ABCC6: variants seen among roughly 807,000 people sequenced by gnomAD.
The protein encoded by ABCC6 is ATP-binding cassette sub-family C member 6.
In ABCC6, 126 loss-of-function variants were observed where a neutral mutation model predicts 169.5. The ratio of observed to expected loss-of-function variants is 0.74; its 90% CI spans 0.64 to 0.86. The LOEUF (loss-of-function observed/expected upper bound fraction) is 0.86. ABCC6 is among the 40% of genes least tolerant of loss of function. The pLI is 0.00. For missense variants in ABCC6, 1,733 were observed against 1,927.2 expected (o/e 0.90, Z 1.89); for synonymous variants, 752 against 814.7 (o/e 0.92, Z 1.31).
In ABCC6 at chr16:16,208,696, A is replaced by G. The variant is rs774809626; in HGVS notation, c.794+32T>C. On this transcript the variant is annotated intron_variant, in intron 7 of 30. Transcript: ENST00000205557. ...CAATGATGAGCTTTTCTGAAGTAGCATCAGGTGAGTTCTTGACCTCCACCC... is the reference window on the plus strand; with the variant it reads ...CAATGATGAGCTTTTCTGAAGTAGCGTCAGGTGAGTTCTTGACCTCCACCC... The G allele has an allele frequency of 1.1e-5, 18 of 1,613,576 alleles. No homozygotes were observed. The Admixed American group carries it at 2.8e-4, about 25-fold the overall frequency.
In ABCC6 at chr16:16,182,476, G is replaced by A; in HGVS notation, c.2183C>T (p.Ala728Val). 6.2e-7 allele frequency: 1 copy of A among 1,614,144 alleles called. No homozygotes were observed. Among genetic ancestry groups the A allele is most frequent in the Non-Finnish European group, 8.5e-7 (1 of 1,180,034 alleles). ...GTCCACATCTGGCTGCAGGGCACAG[G>A]CTTCTAGTACTCTCTCCAGCCAGGG... The part of the protein sequence containing the change: ...DPPWLERVLE[A>V]CALQPDVDSF... Residue 728 changes from alanine to valine, a missense_variant, in exon 17 of 31, where the codon GCC becomes GTC. Physicochemically the swap from Ala to Val is moderately conservative, Grantham distance 64 (BLOSUM62 0). Around this residue, in one of 5 missense-constraint regions of ABCC6, gnomAD observed 1,601 missense variants for 1,635.5 expected, o/e 0.98. Coordinates refer to ENST00000205557, the MANE Select transcript of ABCC6 (RefSeq NM_001171.6).
intron 22 of ABCC6, among the ~76,000 whole-genome samples, chr16:16,167,433 A>G (rs2046912405): frequency 6.6e-6 from 1 of 152,226 alleles, no homozygotes; most frequent in Non-Finnish European, 1.5e-5. Context: ...CCCAAGAGCC[A>G]ATCAATTCTC....
chr16:16,154,194 C>G (rs1455263706), intron 29 of ABCC6, among the ~76,000 whole-genome samples: 3 of 152,016 alleles, frequency 2.0e-5, no homozygotes, highest in Non-Finnish European at 2.9e-5. Flanking sequence ...CAATCCTCCT[C>G]TCTCAGCCTC....
chr16:16,200,429 G>GAA (rs773448065), intron 9 of ABCC6, among the ~76,000 whole-genome samples: 7 of 46,922 alleles, frequency 1.5e-4, no homozygotes, highest in African/African-American at 2.9e-4. Flanking sequence ...AACTCTGTCA[G>GAA]AAAAAAAAAA....
At chr16:16,214,591 T>G in intron 4 of ABCC6, 142 bp from the exon 5 acceptor site, 2 of 1,454,758 alleles carry the variant, frequency 1.4e-6, no homozygotes, top group Non-Finnish European at 1.8e-6. Flanking sequence ...GCTTTCCTAG[T>G]GGTTCTAATT....
At chr16:16,216,620 G>A (rs1191225217) in intron 4 of ABCC6, among the ~76,000 whole-genome samples, 2 of 151,320 alleles carry the variant, frequency 1.3e-5, no homozygotes, top group African/African-American at 2.4e-5. Flanking sequence ...TGTTTATTGT[G>A]AACAGTGCTG....
intron 9 of ABCC6, among the ~76,000 whole-genome samples, chr16:16,198,410 G>A (rs547105757): frequency 3.3e-5 from 5 of 152,286 alleles, no homozygotes; most frequent in South Asian, 2.1e-4. Context: ...TAACATGCAC[G>A]AAAACACCAG....
At position 16,165,855 on chromosome 16, in the gene ABCC6, A is replaced by G. The variant is rs1555509499; in HGVS notation, c.3074T>C (p.Leu1025Pro). ...GATGGGAGATCGCACCACATCCCAC[A>G]GGAGCCTCTGGAAGAGCAACCTGGA... ...RASRLLFQRLLWDVVRSPISF... is the reference protein window; with the variant it reads ...RASRLLFQRLPWDVVRSPISF... Residue 1025 changes from leucine to proline, a missense_variant, in exon 23 of 31, where the codon CTG becomes CCG. Leu to Pro is a moderately conservative substitution (Grantham distance 98). Coordinates refer to ENST00000205557, the MANE Select transcript of ABCC6 (RefSeq NM_001171.6). The G allele has an allele frequency of 1.9e-6, 3 of 1,613,212 alleles. No homozygotes were observed. The highest frequency in any genetic ancestry group is 2.5e-6 in the Non-Finnish European group (3 of 1,180,036).
chr16:16,194,361 G>C (rs1039079583), intron 10 of ABCC6, among the ~76,000 whole-genome samples: 1 of 152,220 alleles, frequency 6.6e-6, no homozygotes, highest in African/African-American at 2.4e-5. Flanking sequence ...TCTAAGTCTC[G>C]TGAAATATTT....
chr16:16,153,544 G>A (rs2046449899), intron 29 of ABCC6, among the ~76,000 whole-genome samples: 1 of 152,116 alleles, frequency 6.6e-6, no homozygotes, highest in South Asian at 2.1e-4. Context: ...GGGACAAGGA[G>A]AGTTAGGGTT....
At chr16:16,188,225 CAAA>C (rs34901331) in intron 13 of ABCC6, among the ~76,000 whole-genome samples, 3 of 125,668 alleles carry the variant, frequency 2.4e-5, no homozygotes, top group African/African-American at 8.9e-5. Flanking sequence ...ACTAAAAATA[CAAA>C]AAAAAAAAAA....
chr16:16,154,972 C>T lies in ABCC6; in HGVS notation c.3942G>A (p.Arg1314=). Residue 1314 remains arginine, a synonymous_variant, in exon 28 of 31, where the codon CGG becomes CGA. Transcript: ENST00000205557. ...TCCCACCCTCAGCTGCCTCCTGGAG[C>T]CGCAGCAGCCCACTGGCCAGGGAGG... The part of the protein sequence containing the change: ...GKSSLASGLL[R]LQEAAEGGIW... 6.3e-7 allele frequency: 1 copy of T among 1,577,390 alleles called. No individual in the cohort carries two copies. The highest frequency in any genetic ancestry group is 8.6e-7 in the Non-Finnish European group (1 of 1,161,878).
At chr16:16,184,930 G>A (rs1596664075) in intron 15 of ABCC6, 29 bp downstream of exon 15, 4 of 1,598,928 alleles carry the variant, frequency 2.5e-6, no homozygotes, top group Admixed American at 1.7e-5. Context: ...AAAAACATGA[G>A]GCTGGTTACT....
chr16:16,174,767 C>CCCCCCCCT (rs1343755577), intron 20 of ABCC6, among the ~76,000 whole-genome samples: 2 of 133,218 alleles, frequency 1.5e-5, no homozygotes, highest in African/African-American at 5.2e-5. Context: ...AAAACCCCCC[C>CCCCCCCCT]CCGCAAAAAA....
At chr16:16,179,154 G>T (rs929086195) in intron 17 of ABCC6, among the ~76,000 whole-genome samples, 189 bp from the exon 18 acceptor site, 1 of 152,032 alleles carries the variant, frequency 6.6e-6, no homozygotes, top group African/African-American at 2.4e-5. Flanking sequence ...ATCCTTACCC[G>T]ACCTCACTTC....
chr16:16,162,131 C>T (rs916530999), intron 24 of ABCC6, among the ~76,000 whole-genome samples: 6 of 152,192 alleles, frequency 3.9e-5, no homozygotes, highest in Non-Finnish European at 5.9e-5. Context: ...TCCCCAGCCA[C>T]GTGGAACTGA....
In ABCC6 at chr16:16,208,601, T is replaced by G; in HGVS notation, c.794+127A>C. ...GTTGGCCAGATTGGTCTTGAACTCC[T>G]GACCTTGTGATCCGCCTGCCTCGGC... On this transcript the variant is annotated intron_variant, in intron 7 of 30. Transcript: ENST00000205557. 1.5e-5 allele frequency: 23 copies of G among 1,488,220 alleles called. 1 individual carries two copies. Among genetic ancestry groups the G allele is most frequent in the Non-Finnish European group, 2.1e-5 (22 of 1,069,942 alleles). The allele number at this position is 1,488,220 out of a possible 1,614,324, so 92.2% of individuals were successfully genotyped here. A position where few individuals can be genotyped will look rare whatever the true frequency, so the allele number is the denominator to read the frequency against.
chr16:16,185,299 T>G (rs1401322432), intron 14 of ABCC6, among the ~76,000 whole-genome samples: 1 of 152,242 alleles, frequency 6.6e-6, no homozygotes, highest in Non-Finnish European at 1.5e-5. Context: ...CCTTTTCTTA[T>G]AAATAAAGTT....
chr16:16,157,911 C>T (rs1216373938), intron 26 of ABCC6, 102 bp from the exon 27 acceptor site: 7 of 1,280,636 alleles, frequency 5.5e-6, no homozygotes, highest in Admixed American at 2.3e-5. Context: ...GCAAAATGGA[C>T]GTATTTATTG....
Sources: gnomAD v4.1 joint callset for allele counts (sites outside exome capture counted in the v4.1 genomes callset) on GRCh38, gnomAD v4.1.1 for gene constraint, gnomAD v4.1.1 regional missense constraint, MANE v1.5 for transcripts, NCBI Gene and HGNC (gene_info 2026-07-23, HGNC 2026-07-21) for gene names.